The following ARID1B variants were observed in gnomAD, a reference collection of about 807,000 sequenced individuals.
The protein encoded by ARID1B is AT-rich interaction domain 1B.
ARID1B carries 30 observed loss-of-function variants against 212.3 expected under a neutral mutation model. The ratio of observed to expected loss-of-function variants is 0.14; its 90% CI spans 0.11 to 0.19. ARID1B has a LOEUF of 0.19. ARID1B is among the 10% of genes least tolerant of loss of function. The pLI is 1.00. For synonymous variants in ARID1B, 1,402 were observed against 1,301.7 expected (o/e 1.08, Z -1.66); for missense variants, 2,891 against 3,204.0 (o/e 0.90, Z 2.36).
At chr6:157,159,007 G>A (rs745551793) in intron 8 of ARID1B, among the ~76,000 whole-genome samples, 1 of 152,128 alleles carries the variant, frequency 6.6e-6, no homozygotes, top group Admixed American at 6.5e-5. Context: ...AGTGGGATGC[G>A]ACATGATACC....
chr6:157,051,244 G>T (rs1234911499), intron 4 of ARID1B, among the ~76,000 whole-genome samples: 2 of 152,154 alleles, frequency 1.3e-5, no homozygotes, highest in Non-Finnish European at 2.9e-5. Flanking sequence ...TGAGAAGAGA[G>T]GTTAAGCTGA....
intron 4 of ARID1B, among the ~76,000 whole-genome samples, chr6:156,966,381 CTTTTCTTT>C (rs1320545291): frequency 0.012 from 1,083 of 89,092 alleles, 5 homozygotes; most frequent in African/African-American, 0.038. Flanking sequence ...CTTTTCTTTT[CTTTTCTTT>C]TTTTTTTTTT....
At position 157,069,406 on chromosome 6, in the gene ARID1B, A is replaced by G. The variant is rs185595566; in HGVS notation, c.2248-15256A>G. ...ACCTGGTTATAAAGCCATTAATCTA[A>G]TAAAATTTAATATGATGTTTGCAAC... On this transcript the variant is annotated intron_variant, in intron 4 of 19. Transcript: ENST00000636930. 5.2e-4 allele frequency among the ~76,000 whole-genome samples: 79 copies of G among 152,308 alleles called. 1 individual carries two copies. The highest frequency in any genetic ancestry group is 5.0e-3 in the Admixed American group (77 of 15,300).
In ARID1B at chr6:157,004,892, T is replaced by TTTTTG. The variant is rs1562542165; in HGVS notation, c.2247+69320_2247+69321insGTTTT. Among the ~76,000 whole-genome samples the TTTTTG allele has an allele frequency of 2.3e-3, 64 of 28,272 alleles. 15 individuals are homozygous for TTTTTG. Among genetic ancestry groups the TTTTTG allele is most frequent in the African/African-American group, 1.0e-2 (44 of 4,410 alleles). The allele number at this position is 28,272 out of a possible 152,430, so 18.5% of individuals were successfully genotyped here. ...ATTTCTTTTTTCTTTTTCTTCTTCT[T>TTTTTG]TTTTCTTTTTTTTTTTTTTTTTTTT... On this transcript the variant is annotated intron_variant, in intron 4 of 19. Coordinates refer to ENST00000636930, the MANE Select transcript of ARID1B (RefSeq NM_001374828.1).
At chr6:157,197,266 T>C (rs1234869442) in intron 16 of ARID1B, among the ~76,000 whole-genome samples, 2 of 152,252 alleles carry the variant, frequency 1.3e-5, no homozygotes, top group Non-Finnish European at 2.9e-5. Context: ...GGAGCCACAG[T>C]GTGTGCCACA....
chr6:156,887,991 C>G (rs1001804108), intron 2 of ARID1B, among the ~76,000 whole-genome samples: 1 of 152,138 alleles, frequency 6.6e-6, no homozygotes, highest in African/African-American at 2.4e-5. Context: ...TCTGGTAAAT[C>G]CTATTTTCTG....
rs1793273108 is a variant in ARID1B at position 157,190,340 on chromosome 6, C to T, written c.4231+130C>T. 1 of 1,118,936 alleles carries T rather than the reference C, an allele frequency of 8.9e-7. No individual in the cohort carries two copies. The highest frequency in any genetic ancestry group is 3.0e-5 in the Admixed American group (1 of 32,836). The allele number at this position is 1,118,936 out of a possible 1,614,324, so 69.3% of individuals were successfully genotyped here. A position where few individuals can be genotyped will look rare whatever the true frequency, so the allele number is the denominator to read the frequency against. The stretch of plus-strand genomic sequence containing the variant: ...TGCATCGGTGTGGGTCCCAGGTCCC[C>T]ATCCTACTCCACTTGTGGCCTTGGG... On this transcript the variant is annotated intron_variant, in intron 15 of 19. Coordinates refer to ENST00000636930, the MANE Select transcript of ARID1B (RefSeq NM_001374828.1). This position sits in a 1 kb window ranked among gnomAD's most constrained non-coding sequence, Gnocchi z 4.6.
chr6:156,967,415 G>C (rs1469864072), intron 4 of ARID1B, among the ~76,000 whole-genome samples: 1 of 152,172 alleles, frequency 6.6e-6, no homozygotes, highest in African/African-American at 2.4e-5. Context: ...TAAATTAGCT[G>C]TCACCAATGA....
intron 4 of ARID1B, among the ~76,000 whole-genome samples, chr6:157,052,981 G>A (rs1311709377): frequency 1.3e-5 from 2 of 152,160 alleles, no homozygotes; most frequent in Admixed American, 1.3e-4. Flanking sequence ...GCCTCCCAAA[G>A]TGCTGAGATT....
intron 4 of ARID1B, among the ~76,000 whole-genome samples, chr6:157,063,894 A>G (rs1009373544): frequency 6.6e-6 from 1 of 152,220 alleles, no homozygotes; most frequent in African/African-American, 2.4e-5. Flanking sequence ...GAATACTGAG[A>G]GCTAGATGAC....
chr6:156,975,073 TG>T (rs1401492305), intron 4 of ARID1B, among the ~76,000 whole-genome samples: 3 of 152,228 alleles, frequency 2.0e-5, no homozygotes, highest in Non-Finnish European at 2.9e-5. Flanking sequence ...GTGTGATTTT[TG>T]TGTAACATTT....
chr6:157,039,670 C>T lies in ARID1B; in HGVS notation c.2248-44992C>T, dbSNP rs192909124. Among the ~76,000 whole-genome samples, 201 of 55,244 alleles carry T rather than the reference C, an allele frequency of 3.6e-3. 2 individuals carry two copies. Among genetic ancestry groups the T allele is most frequent in the African/African-American group, 0.02 (176 of 8,870 alleles). 36.2% of individuals were successfully genotyped at this position (55,244 alleles called of 152,430 possible). On this transcript the variant is annotated intron_variant, in intron 4 of 19. Transcript: ENST00000636930. ...CTTTCCTTCCTTCCTTCCTTCCTTC[C>T]TTCCTTCCTTCCTTCCTTCCTTCCT...
chr6:157,074,692 T>G (rs990555215), intron 4 of ARID1B, among the ~76,000 whole-genome samples: 3 of 152,238 alleles, frequency 2.0e-5, no homozygotes, highest in Non-Finnish European at 4.4e-5. Flanking sequence ...AATTTTATTC[T>G]TGTGCCTTTG....
At chr6:157,120,811 C>T (rs542657654) in intron 6 of ARID1B, among the ~76,000 whole-genome samples, 45 of 152,268 alleles carry the variant, frequency 3.0e-4, no homozygotes, top group Admixed American at 2.0e-3. Context: ...GCTTCTGTTG[C>T]CTTGGACGTC....
chr6:157,053,838 C>T (rs1195433028), intron 4 of ARID1B, among the ~76,000 whole-genome samples: 1 of 152,146 alleles, frequency 6.6e-6, no homozygotes, highest in Non-Finnish European at 1.5e-5. Context: ...CTTTGGGAGG[C>T]CGAGGCAGGT....
rs148853149 is a variant in ARID1B at position 156,907,029 on chromosome 6, G to A, written c.2136+5504G>A. On this transcript the variant is annotated intron_variant, in intron 3 of 19. Coordinates refer to ENST00000636930, the MANE Select transcript of ARID1B (RefSeq NM_001374828.1). ...CTAATTCTGCTAATTCTAGTGATTT[G>A]TGAAGTCTCAGGTTTTTTAATTAAA... Among the ~76,000 whole-genome samples, 476 of 152,144 alleles carry A rather than the reference G, an allele frequency of 3.1e-3. 3 individuals are homozygous for A. Among genetic ancestry groups the A allele is most frequent in the African/African-American group, 0.011 (442 of 41,496 alleles).
intron 2 of ARID1B, among the ~76,000 whole-genome samples, chr6:156,880,900 G>A (rs1481954425): frequency 2.0e-5 from 3 of 151,886 alleles, no homozygotes; most frequent in Non-Finnish European, 2.9e-5. Flanking sequence ...TCATTTTTTC[G>A]TGTTTCTTGT....
intron 4 of ARID1B, among the ~76,000 whole-genome samples, chr6:157,081,357 T>G (rs1451200702): frequency 6.6e-6 from 1 of 152,236 alleles, no homozygotes; most frequent in African/African-American, 2.4e-5. Context: ...CTTTGTTAAC[T>G]AGGCTGAATA....
intron 8 of ARID1B, 85 bp from the exon 9 acceptor site, chr6:157,166,955 A>G: frequency 1.3e-6 from 2 of 1,519,072 alleles, no homozygotes; most frequent in South Asian, 1.3e-5. Flanking sequence ...CCTTACATAA[A>G]TGCATTAGTA....
Sources: allele counts gnomAD v4.1 joint callset (sites outside exome capture counted in the v4.1 genomes callset), GRCh38; gene constraint gnomAD v4.1.1; non-coding constraint Gnocchi (gnomAD v3.1); transcripts MANE v1.5; gene names NCBI Gene and HGNC (gene_info 2026-07-23, HGNC 2026-07-21).